IQCJ: variants seen among roughly 807,000 people sequenced by gnomAD.
IQCJ encodes the protein IQ domain-containing protein J.
A neutral mutation model predicts 11.0 loss-of-function variants in IQCJ; 9 were observed. That is an observed-to-expected ratio of 0.82 (90% CI 0.49 to 1.43). IQCJ has a LOEUF of 1.43. IQCJ is among the 40% of genes most tolerant of loss of function. The pLI is 0.00. For missense variants in IQCJ, 146 were observed against 133.2 expected, an observed-to-expected ratio of 1.10 and a Z score of -0.47; for synonymous variants, 55 against 51.3, an observed-to-expected ratio of 1.07 and a Z score of -0.31.
At chr3:159,250,578 C>A (rs1428571390) in intron 2 of IQCJ, among the ~76,000 whole-genome samples, 2 of 152,172 alleles carry the variant, frequency 1.3e-5, no homozygotes, top group Non-Finnish European at 2.9e-5. Context: ...GCAATCTCGG[C>A]AGAAGGCACC....
At chr3:159,265,192 GT>G (rs1335328803), downstream of IQCJ, 3 of 1,600,022 alleles carry the variant, frequency 1.9e-6, no homozygotes, top group Non-Finnish European at 2.6e-6. Flanking sequence ...AGCTAAGCTT[GT>G]TTTATCTGCT....
intron 1 of IQCJ, among the ~76,000 whole-genome samples, chr3:159,209,900 C>T (rs1054720553): frequency 1.3e-5 from 2 of 152,170 alleles, no homozygotes; most frequent in Non-Finnish European, 2.9e-5. Flanking sequence ...GTTGGGTCTG[C>T]CTCCACCCTT....
intron 1 of IQCJ, among the ~76,000 whole-genome samples, chr3:159,130,940 G>T (rs1719956049): frequency 1.3e-5 from 2 of 152,098 alleles, no homozygotes; most frequent in African/African-American, 4.8e-5. Context: ...AGTGTTAATT[G>T]CTCCTTTAAT....
At chr3:159,162,089 G>A (rs1200391974) in intron 1 of IQCJ, among the ~76,000 whole-genome samples, 1 of 152,122 alleles carries the variant, frequency 6.6e-6, no homozygotes, top group Non-Finnish European at 1.5e-5. Context: ...TACCTTGATG[G>A]GGATGGCATT....
chr3:159,205,765 A>G lies in IQCJ; in HGVS notation c.10-40078A>G, dbSNP rs116432328. Among the ~76,000 whole-genome samples, 819 of 152,310 alleles carry G rather than the reference A, an allele frequency of 5.4e-3. 4 individuals are homozygous for G. The highest frequency in any genetic ancestry group is 0.019 in the African/African-American group (773 of 41,568). ...GCTTCATGTGAGTACTCTTTGTGAC[A>G]TCCAGGAATTAGGATGACATGTTTC... On this transcript the variant is annotated intron_variant, in intron 1 of 3. Transcript: ENST00000397832.
chr3:159,095,376 T>A (rs76738089), intron 1 of IQCJ, among the ~76,000 whole-genome samples: 1 of 151,188 alleles, frequency 6.6e-6, no homozygotes, highest in African/African-American at 2.5e-5. Flanking sequence ...TTATTTTTTT[T>A]ATTATACTCT....
At chr3:159,220,813 G>C (rs1045959923) in intron 1 of IQCJ, among the ~76,000 whole-genome samples, 13 of 152,134 alleles carry the variant, frequency 8.5e-5, no homozygotes, top group African/African-American at 3.1e-4. Flanking sequence ...CTATGGGCTT[G>C]TTATTTCTTT....
intron 1 of IQCJ, among the ~76,000 whole-genome samples, chr3:159,231,258 C>T (rs1312920711): frequency 6.6e-5 from 10 of 152,306 alleles, no homozygotes; most frequent in Non-Finnish European, 1.0e-4. Flanking sequence ...TGAAAGCTTA[C>T]ATCAAATGAG....
Position 159,262,569 on chromosome 3 carries a change from G to T in IQCJ, c.177G>T (p.Glu59Asp). The change falls in exon 4 of 4, where the codon GAG becomes GAT. Residue 59 changes from glutamate to aspartate, a missense_variant. Transcript: ENST00000397832. ...KVKIIQRAWR[E>D]YLQRQEPLGK... ...TCAGCATTCAGCGAGCATGGCGAGA[G>T]TACCTGCAGCGGCAGGAGCCCCTGG... is the stretch of plus-strand genomic sequence containing the variant. 6.2e-7 allele frequency: 1 copy of T among 1,613,782 alleles called. No homozygotes were observed. Among genetic ancestry groups the T allele is most frequent in the South Asian group, 1.1e-5 (1 of 91,068 alleles).
chr3:159,093,402 GA>G (rs1186433278), intron 1 of IQCJ, among the ~76,000 whole-genome samples: 1 of 151,778 alleles, frequency 6.6e-6, no homozygotes, highest in Admixed American at 6.6e-5. Flanking sequence ...TTCGATAATA[GA>G]TGATATTCTC....
rs576965011 is a variant in IQCJ, at chr3:159,135,677, T to C, written c.9+66236T>C. 2.0e-3 allele frequency among the ~76,000 whole-genome samples: 303 copies of C among 152,290 alleles called. 2 individuals carry two copies. The highest frequency in any genetic ancestry group is 7.1e-3 in the African/African-American group (295 of 41,556). The stretch of plus-strand genomic sequence containing the variant: ...GGAAGGTTTTATGGGTTAGGTTTTA[T>C]GGGTTAAGCATGGAGTAATACCGAT... On this transcript the variant is annotated intron_variant, in intron 1 of 3. Coordinates refer to ENST00000397832, the MANE Select transcript of IQCJ (RefSeq NM_001042706.3).
At chr3:159,144,661 GACACACAC>G (rs10561081) in intron 1 of IQCJ, among the ~76,000 whole-genome samples, 3,365 of 150,290 alleles carry the variant, frequency 0.022, 120 homozygotes, top group African/African-American at 0.078. Context: ...TACACACACA[GACACACAC>G]ACACACACAC....
chr3:159,208,285 A>G (rs115503046), intron 1 of IQCJ, among the ~76,000 whole-genome samples: 3,246 of 152,220 alleles, frequency 0.021, 106 homozygotes, highest in African/African-American at 0.074. Flanking sequence ...GTCCTGTGGA[A>G]TGCTTTGCGG....
chr3:159,233,907 T>C (rs2122146), intron 1 of IQCJ, among the ~76,000 whole-genome samples: 122,430 of 152,142 alleles, frequency 0.8, 50,121 homozygotes, highest in African/African-American at 0.95. Context: ...GAGATCTAAA[T>C]GGAAGGAGTT....
At chr3:159,130,400 G>A (rs962064248) in intron 1 of IQCJ, among the ~76,000 whole-genome samples, 4 of 152,102 alleles carry the variant, frequency 2.6e-5, no homozygotes, top group Non-Finnish European at 5.9e-5. Flanking sequence ...GGAACTGTGA[G>A]CCCACAGTAC....
intron 1 of IQCJ, among the ~76,000 whole-genome samples, chr3:159,177,185 C>T (rs1357639278): frequency 6.6e-6 from 1 of 152,166 alleles, no homozygotes; most frequent in Non-Finnish European, 1.5e-5. Context: ...GTTTAATAAT[C>T]CATATCAATG....
At chr3:159,170,230 C>T (rs1435649090) in intron 1 of IQCJ, among the ~76,000 whole-genome samples, 2 of 151,736 alleles carry the variant, frequency 1.3e-5, no homozygotes, top group South Asian at 2.1e-4. Context: ...AAGAAATCTT[C>T]GGGGATGTTC....
intron 1 of IQCJ, among the ~76,000 whole-genome samples, chr3:159,182,341 C>G (rs1186220117): frequency 1.3e-5 from 2 of 151,934 alleles, no homozygotes; most frequent in African/African-American, 2.4e-5. Context: ...AGCTCTGAAA[C>G]TAGGAAATCT....
intron 1 of IQCJ, among the ~76,000 whole-genome samples, chr3:159,141,332 G>A (rs538689214): frequency 1.2e-4 from 19 of 152,314 alleles, no homozygotes; most frequent in African/African-American, 4.3e-4. Flanking sequence ...TGAATGATAA[G>A]ATTGAACAGG....
Sources: gnomAD v4.1 joint callset for allele counts (sites outside exome capture counted in the v4.1 genomes callset) on GRCh38, gnomAD v4.1.1 for gene constraint, MANE v1.5 for transcripts, NCBI Gene and HGNC (gene_info 2026-07-23, HGNC 2026-07-21) for gene names.